Variants in RBM5 observed in about 807,000 individuals in gnomAD.
The protein encoded by RBM5 is RNA binding motif protein 5.
Under a neutral mutation model 124.6 loss-of-function variants are expected in RBM5, and 15 were observed. That is an observed-to-expected ratio of 0.12 (90% CI 0.08 to 0.19). The LOEUF is 0.19. RBM5 is among the 10% of genes least tolerant of loss of function. RBM5 has a pLI of 1.00. For synonymous variants in RBM5, 337 were observed against 361.2 expected (o/e 0.93, Z 0.76); for missense variants, 580 against 1,026.5 (o/e 0.57, Z 5.94).
intron 10 of RBM5, 44 bp from the exon 11 acceptor site, chr3:50,106,723 T>G (rs1372247398): frequency 1.4e-6 from 2 of 1,407,702 alleles, no homozygotes; most frequent in East Asian, 2.3e-5. Context: ...AGGGAGAGAT[T>G]TTTAATTGCA....
At position 50,110,819 on chromosome 3, in the gene RBM5, A is replaced by G. The variant is rs752497861; in HGVS notation, c.1455+49A>G. 10 of 1,440,866 alleles carry G rather than the reference A, an allele frequency of 6.9e-6. No homozygotes were observed. In the East Asian group the frequency reaches 2.1e-4, roughly 30 times the overall value. The allele number at this position is 1,440,866 out of a possible 1,614,324, so 89.3% of individuals were successfully genotyped here. On this transcript the variant is annotated intron_variant, in intron 17 of 24. Coordinates refer to ENST00000347869, the MANE Select transcript of RBM5 (RefSeq NM_005778.4). ...AATTTCACTAGAAGTAGTTTCGCTT[A>G]GTGCATTTATGAGGCATAAAATGAA...
intron 17 of RBM5, among the ~76,000 whole-genome samples, chr3:50,112,312 A>G (rs1043423745): frequency 3.4e-5 from 5 of 145,742 alleles, no homozygotes; most frequent in Non-Finnish European, 7.5e-5. Flanking sequence ...GCTACTCGGG[A>G]GGCTGAGGCA....
At position 50,106,859 on chromosome 3, in the gene RBM5, C is replaced by T. The variant is rs763348961; in HGVS notation, c.948C>T (p.Ala316=). 1 of 1,596,368 alleles carries T rather than the reference C, an allele frequency of 6.3e-7. No individual in the cohort carries two copies. The highest frequency in any genetic ancestry group is 8.6e-7 in the Non-Finnish European group (1 of 1,163,990). ...TTGGGGTTGATTTTGCAAAAAGTGC[C>T]AGAAAGTGAGTGGCTTCATTGTCCT... ...KTIGVDFAKS[A]RKDLVLSDGN... Residue 316 remains alanine (A), a synonymous_variant, in exon 11 of 25, where the codon GCC becomes GCT. Transcript: ENST00000347869.
rs61297967 is a variant in RBM5, at chr3:50,106,118, A to ATTTTTTTT, written c.855+436_855+443dup. 4.0e-4 allele frequency among the ~76,000 whole-genome samples: 13 copies of ATTTTTTTT among 32,758 alleles called. 1 individual carries two copies. Among genetic ancestry groups the ATTTTTTTT allele is most frequent in the East Asian group, 2.5e-3 (2 of 810 alleles). The allele number at this position is 32,758 out of a possible 152,430, so 21.5% of individuals were successfully genotyped here. A position where few individuals can be genotyped will look rare whatever the true frequency, so the allele number is the denominator to read the frequency against. On this transcript the variant is annotated intron_variant, in intron 10 of 24. Transcript: ENST00000347869. ...CAGGTGCCCGCCACCACGCCCAGCT[A>ATTTTTTTT]TTTTTTTTTTTTTTTTTTTTTTTTT...
Position 50,106,768 on chromosome 3 carries a change from A to T in RBM5, c.857A>T (p.Asp286Val). The T allele has an allele frequency of 6.3e-7, 1 of 1,596,352 alleles. No homozygotes were observed. The highest frequency in any genetic ancestry group is 8.6e-7 in the Non-Finnish European group (1 of 1,163,980). The change falls in exon 11 of 25, where the codon GAT (aspartate) becomes GTT (valine). Residue 286 changes from aspartate (D) to valine (V), a missense_variant and splice_region_variant. This residue lies in a region of RBM5 where 42 missense variants were observed against 101.1 expected (regional missense o/e 0.42). Coordinates refer to ENST00000347869, the MANE Select transcript of RBM5 (RefSeq NM_005778.4). ...TTTTTCCTTCACATTCTCCTTCAGG[A>T]TGCTTCTCAGCTGCTTCAGATATTA... ...FAFVQLSSAM[D>V]ASQLLQILQS... is the part of the protein sequence containing the mutation.
At chr3:50,115,292 A>G (rs2091227334) in intron 20 of RBM5, 136 bp from the exon 21 acceptor site, 2 of 1,065,582 alleles carry the variant, frequency 1.9e-6, no homozygotes, top group Non-Finnish European at 2.7e-6. Context: ...ACAAAATGTG[A>G]TTCATTACTA....
intron 17 of RBM5, 32 bp downstream of exon 17, chr3:50,110,802 T>C: frequency 6.5e-7 from 1 of 1,536,914 alleles, no homozygotes; most frequent in Middle Eastern, 1.7e-4. Context: ...TCAATTTCAC[T>C]AGAAGTAGTT....
At position 50,108,160 on chromosome 3, in the gene RBM5, T is replaced by C. The variant is rs758723699; in HGVS notation, c.1119+13T>C. 2.2e-5 allele frequency: 36 copies of C among 1,606,098 alleles called. No homozygotes were observed. The highest frequency in any genetic ancestry group is 5.0e-5 in the Admixed American group (3 of 60,008). The stretch of plus-strand genomic sequence containing the variant: ...CCAATATGCTCAGGTAGGTAGATTT[T>C]AGCAGCATCCACCTTATAGTCTTGC... On this transcript the variant is annotated intron_variant, in intron 13 of 24. Coordinates refer to ENST00000347869, the MANE Select transcript of RBM5 (RefSeq NM_005778.4).
At chr3:50,089,989 A>G (rs1163412189) in intron 1 of RBM5, 2 of 164,428 alleles carry the variant, frequency 1.2e-5, no homozygotes, top group African/African-American at 4.8e-5. Flanking sequence ...GTATTAATGA[A>G]GACACTTGGA....
rs1454477952 is a variant in RBM5 at position 50,090,416 on chromosome 3, C to G, written c.-19C>G. ...AATTTGAACCTTTTGGAGCTGTGTG[C>G]TAAATCTTCAGTGGGACAATGGGTT... On this transcript the variant is annotated 5_prime_UTR_variant, in exon 2 of 25. Coordinates refer to ENST00000347869, the MANE Select transcript of RBM5 (RefSeq NM_005778.4). The G allele has an allele frequency of 3.1e-6, 5 of 1,613,696 alleles. No individual in the cohort carries two copies. Among genetic ancestry groups the G allele is most frequent in the Non-Finnish European group, 4.2e-6 (5 of 1,179,852 alleles).
intron 4 of RBM5, among the ~76,000 whole-genome samples, chr3:50,094,926 G>C (rs1373684005): frequency 6.6e-6 from 1 of 152,172 alleles, no homozygotes; most frequent in Non-Finnish European, 1.5e-5. Flanking sequence ...GCCAGGCGCG[G>C]TGGCTCATGC....
intron 6 of RBM5, chr3:50,102,277 T>G (rs2090954631): frequency 6.6e-6 from 1 of 151,062 alleles, no homozygotes; most frequent in Admixed American, 6.6e-5. Flanking sequence ...GAATTTTGAC[T>G]TTTTAAAGCT....
rs557141066 is a variant in RBM5, at chr3:50,101,404, G to C, written c.483+799G>C. 1.1e-4 allele frequency: 16 copies of C among 152,254 alleles called. No individual in the cohort carries two copies. In the South Asian group the frequency reaches 3.3e-3, roughly 32 times the overall value. The allele number at this position is 152,254 out of a possible 1,614,324, so 9.4% of individuals were successfully genotyped here. ...GCTTTTCTGCAGCATTCTGTGATTT[G>C]AGTCATCCATGAATCCATGAATAAA... On this transcript the variant is annotated intron_variant, in intron 6 of 24. Coordinates refer to ENST00000347869, the MANE Select transcript of RBM5 (RefSeq NM_005778.4).
intron 2 of RBM5, 73 bp from the exon 3 acceptor site, chr3:50,091,970 T>C: frequency 6.8e-7 from 1 of 1,475,896 alleles, no homozygotes; most frequent in Non-Finnish European, 9.5e-7. Flanking sequence ...GTGGGCCGTG[T>C]GTATTTTTAA....
At chr3:50,110,276 G>T in intron 15 of RBM5, 103 bp from the exon 16 acceptor site, 1 of 933,036 alleles carries the variant, frequency 1.1e-6, no homozygotes, top group Non-Finnish European at 1.7e-6. Context: ...TATTGCTACA[G>T]TGTGTCTGTC....
chr3:50,090,184 G>A (rs895451733), intron 1 of RBM5, 198 bp from the exon 2 acceptor site: 2 of 403,978 alleles, frequency 5.0e-6, no homozygotes, highest in Non-Finnish European at 9.1e-6. Context: ...TTAATCTTCC[G>A]GTTTTGCTCA....
chr3:50,116,991 G>A lies in RBM5; in HGVS notation c.2095-83G>A. The A allele has an allele frequency of 2.4e-6, 3 of 1,250,232 alleles. No individual in the cohort carries two copies. In the South Asian group the frequency reaches 3.7e-5, roughly 15 times the overall value. The allele number at this position is 1,250,232 out of a possible 1,614,324, so 77.4% of individuals were successfully genotyped here. On this transcript the variant is annotated intron_variant, in intron 22 of 24. Transcript: ENST00000347869. ...ATTCTTCAGATTTAAAAATACTTGA[G>A]GGGATAGTTTTGAATAGGTGCATTA...
chr3:50,093,225 G>A (rs2090741341), intron 3 of RBM5, among the ~76,000 whole-genome samples: 1 of 149,636 alleles, frequency 6.7e-6, no homozygotes. Flanking sequence ...GGATCATGAG[G>A]TCAGAAGATT....
chr3:50,094,058 T>C (rs920775485), intron 4 of RBM5, 183 bp downstream of exon 4: 2 of 543,210 alleles, frequency 3.7e-6, no homozygotes, highest in African/African-American at 3.7e-5. Context: ...TACATAAGTT[T>C]AAACATTTGC....
Sources: gnomAD v4.1 joint callset for allele counts (sites outside exome capture counted in the v4.1 genomes callset) on GRCh38, gnomAD v4.1.1 for gene constraint, gnomAD v4.1.1 regional missense constraint, MANE v1.5 for transcripts, NCBI Gene and HGNC (gene_info 2026-07-23, HGNC 2026-07-21) for gene names.